CADPS: variants seen among roughly 807,000 people sequenced by gnomAD.
CADPS encodes calcium dependent secretion activator.
Under a neutral mutation model 167.3 loss-of-function variants are expected in CADPS, and 57 were observed. The observed-to-expected ratio is 0.34, with a 90% CI of 0.28 to 0.42. CADPS has a LOEUF of 0.42. CADPS is among the 20% of genes least tolerant of loss of function. The pLI is 1.00. For missense variants in CADPS, 1,414 were observed against 1,738.1 expected (o/e 0.81, Z 3.32); for synonymous variants, 676 against 635.3 (o/e 1.06, Z -0.96).
At chr3:62,450,303 ATAAG>A (rs1553755920) in intron 26 of CADPS, among the ~76,000 whole-genome samples, 1 of 152,222 alleles carries the variant, frequency 6.6e-6, no homozygotes, top group Non-Finnish European at 1.5e-5. Context: ...GAGTGTGGGC[ATAAG>A]TGAGAGGGCA....
chr3:62,735,939 G>T (rs1357980459), intron 3 of CADPS, among the ~76,000 whole-genome samples: 2 of 152,154 alleles, frequency 1.3e-5, no homozygotes, highest in African/African-American at 4.8e-5. Context: ...GGTTATAGCA[G>T]TTTATACTAT....
intron 3 of CADPS, among the ~76,000 whole-genome samples, chr3:62,675,934 CTCCTCCCCAATTACTGTAAAA>C (rs1384689378): frequency 1.3e-5 from 2 of 152,080 alleles, no homozygotes; most frequent in Non-Finnish European, 1.5e-5. Flanking sequence ...AATCCCTCCT[CTCCTCCCCAATTACTGTAAAA>C]TCCTCCCCAA....
intron 6 of CADPS, among the ~76,000 whole-genome samples, chr3:62,604,347 A>G (rs956927720): frequency 6.6e-6 from 1 of 152,130 alleles, no homozygotes; most frequent in African/African-American, 2.4e-5. Context: ...ATCTAAGAAG[A>G]GATGCTGATT....
chr3:62,793,822 G>T (rs993126892), intron 1 of CADPS, among the ~76,000 whole-genome samples: 1 of 152,274 alleles, frequency 6.6e-6, no homozygotes, highest in Non-Finnish European at 1.5e-5. Context: ...TGATGATTTT[G>T]TTCCTCAAAA....
intron 3 of CADPS, among the ~76,000 whole-genome samples, chr3:62,702,606 G>C (rs748245153): frequency 6.6e-6 from 1 of 152,104 alleles, no homozygotes; most frequent in African/African-American, 2.4e-5. Flanking sequence ...CAAAGGAAAT[G>C]TTGGAGTTAC....
At chr3:62,705,450 C>CA (rs2082147700) in intron 3 of CADPS, among the ~76,000 whole-genome samples, 1 of 152,056 alleles carries the variant, frequency 6.6e-6, no homozygotes, top group Non-Finnish European at 1.5e-5. Context: ...CTGAAGGATG[C>CA]AAAGTATTGT....
At chr3:62,641,286 G>A (rs778215435) in intron 6 of CADPS, among the ~76,000 whole-genome samples, 3 of 152,048 alleles carry the variant, frequency 2.0e-5, no homozygotes, top group Non-Finnish European at 2.9e-5. Context: ...TACTAGCATC[G>A]AATTAAAATG....
intron 1 of CADPS, among the ~76,000 whole-genome samples, chr3:62,788,986 G>A (rs889634431): frequency 1.3e-5 from 2 of 152,154 alleles, no homozygotes; most frequent in Admixed American, 6.6e-5. Flanking sequence ...TGGTGATTTC[G>A]AAGACATTCA....
chr3:62,532,717 TTGTGTG>T (rs10586016), intron 13 of CADPS, among the ~76,000 whole-genome samples, 148 bp downstream of exon 13: 11,766 of 148,132 alleles, frequency 0.079, 522 homozygotes, highest in East Asian at 0.16. Context: ...TTAGTGCCCT[TTGTGTG>T]TGTGTGTGTG....
intron 6 of CADPS, among the ~76,000 whole-genome samples, chr3:62,629,183 T>C (rs1405328785): frequency 2.0e-5 from 3 of 152,160 alleles, no homozygotes; most frequent in East Asian, 3.8e-4. Flanking sequence ...TCAATGACTG[T>C]TTTTGTAAAT....
chr3:62,796,504 A>G (rs755711772), intron 1 of CADPS: 12 of 152,212 alleles, frequency 7.9e-5, no homozygotes, highest in Non-Finnish European at 1.3e-4. Context: ...TCAAGTTAAG[A>G]AAAAGGATGA....
chr3:62,414,811 A>T (rs1451025863), intron 28 of CADPS, among the ~76,000 whole-genome samples: 1 of 151,980 alleles, frequency 6.6e-6, no homozygotes, highest in Non-Finnish European at 1.5e-5. Context: ...CCTGTTCTTG[A>T]CCTCCAGGGA....
intron 7 of CADPS, among the ~76,000 whole-genome samples, chr3:62,590,930 T>C (rs928132292): frequency 6.6e-6 from 1 of 152,130 alleles, no homozygotes; most frequent in Non-Finnish European, 1.5e-5. Context: ...TCTTGGCTCA[T>C]TGCAACTTCT....
intron 8 of CADPS, among the ~76,000 whole-genome samples, chr3:62,573,973 G>A (rs1320568389): frequency 9.2e-5 from 14 of 152,168 alleles, no homozygotes; most frequent in African/African-American, 2.7e-4. Flanking sequence ...ATGCTCTTGC[G>A]AGATCAGAGC....
intron 7 of CADPS, among the ~76,000 whole-genome samples, chr3:62,591,872 C>G (rs1475648485): frequency 1.3e-5 from 2 of 152,082 alleles, no homozygotes; most frequent in East Asian, 3.9e-4. Flanking sequence ...ACATGATGCT[C>G]CTTAGTGAGG....
At chr3:62,427,765 G>T (rs1275952751) in intron 28 of CADPS, among the ~76,000 whole-genome samples, 1 of 152,130 alleles carries the variant, frequency 6.6e-6, no homozygotes, top group Admixed American at 6.5e-5. Flanking sequence ...GAACAAAAGG[G>T]AGTGATATTT....
chr3:62,417,567 GAGCC>G (rs939356514), intron 28 of CADPS, among the ~76,000 whole-genome samples: 16 of 152,054 alleles, frequency 1.1e-4, no homozygotes, highest in Non-Finnish European at 8.8e-5. Context: ...TTAAAGGCGT[GAGCC>G]ACTGCACCTG....
intron 23 of CADPS, among the ~76,000 whole-genome samples, chr3:62,475,090 T>C (rs939936199): frequency 2.6e-5 from 4 of 152,232 alleles, no homozygotes; most frequent in Non-Finnish European, 5.9e-5. Context: ...AATATACATA[T>C]ACAAATTCAA....
intron 1 of CADPS, among the ~76,000 whole-genome samples, chr3:62,773,265 A>G (rs1184130290): frequency 6.6e-6 from 1 of 152,228 alleles, no homozygotes; most frequent in East Asian, 1.9e-4. Context: ...TAGAAATCAC[A>G]TCATCTTAAC....
Sources: gnomAD v4.1 joint callset for allele counts (sites outside exome capture counted in the v4.1 genomes callset) on GRCh38, gnomAD v4.1.1 for gene constraint, MANE v1.5 for transcripts, NCBI Gene and HGNC (gene_info 2026-07-23, HGNC 2026-07-21) for gene names.